PPP1R14C: variants seen among roughly 807,000 people sequenced by gnomAD.
The protein encoded by PPP1R14C is protein phosphatase 1 regulatory subunit 14C.
Under a neutral mutation model 20.4 loss-of-function variants are expected in PPP1R14C, and 16 were observed. That is an observed-to-expected ratio of 0.78 (90% CI 0.53 to 1.19). The LOEUF (loss-of-function observed/expected upper bound fraction) is 1.19. Among genes scored for constraint, PPP1R14C ranks in the 50% most tolerant of loss-of-function variants. PPP1R14C has a pLI of 0.00. For missense variants in PPP1R14C, 211 were observed against 220.1 expected, an observed-to-expected ratio of 0.96 and a Z score of 0.26; for synonymous variants, 91 against 91.0, an observed-to-expected ratio of 1.00 and a Z score of 0.00.
rs757915709 is a variant in PPP1R14C at position 150,201,093 on chromosome 6, G to T, written c.307-13651G>T. ...TGTCCAGGTTTGGAACTAAGGAAGC[G>T]ATCGGCCCTATTGGGCAGGATACTC... On this transcript the variant is annotated intron_variant, in intron 1 of 3. Transcript: ENST00000361131. The surrounding 1 kb of genome is among the most constrained non-coding windows in gnomAD (Gnocchi z 4.2). 6.6e-6 allele frequency among the ~76,000 whole-genome samples: 1 copy of T among 152,198 alleles called. No homozygotes were observed. The highest frequency in any genetic ancestry group is 1.5e-5 in the Non-Finnish European group (1 of 68,042).
Position 150,248,977 on chromosome 6 carries a change from T to C in PPP1R14C, c.*157T>C, listed in dbSNP as rs1778528946. 1 of 486,722 alleles carries C rather than the reference T, an allele frequency of 2.1e-6. No individual in the cohort carries two copies. Among genetic ancestry groups the C allele is most frequent in the South Asian group, 4.5e-5 (1 of 21,984 alleles). The allele number at this position is 486,722 out of a possible 1,614,324, so 30.2% of individuals were successfully genotyped here. ...TGAAGGTGGGGGGGTCTATTAGACA[T>C]TTATTCAAGAGCGTTCTTTTTTTGG... is the stretch of plus-strand genomic sequence containing the variant. On this transcript the variant is annotated 3_prime_UTR_variant, in exon 4 of 4. Coordinates refer to ENST00000361131, the MANE Select transcript of PPP1R14C (RefSeq NM_030949.3).
chr6:150,234,270 C>T lies in PPP1R14C; in HGVS notation c.424-14476C>T, dbSNP rs996538119. Among the ~76,000 whole-genome samples, 9 of 152,190 alleles carry T rather than the reference C, an allele frequency of 5.9e-5. No homozygotes were observed. In the South Asian group the frequency reaches 1.0e-3, roughly 18 times the overall value. On this transcript the variant is annotated intron_variant, in intron 3 of 3. Coordinates refer to ENST00000361131, the MANE Select transcript of PPP1R14C (RefSeq NM_030949.3). ...AAAGATGTGGAAGAACTGAAATTCT[C>T]GTACCCCACTGGTGGGAGTGTAAAA... is the stretch of plus-strand genomic sequence containing the variant.
intron 1 of PPP1R14C, among the ~76,000 whole-genome samples, chr6:150,149,524 C>G (rs1179847443): frequency 7.1e-6 from 1 of 140,252 alleles, no homozygotes; most frequent in Non-Finnish European, 1.5e-5. Flanking sequence ...TCTCGAATTC[C>G]TGGGCTTAAG....
chr6:150,222,432 T>C (rs1778179890), intron 3 of PPP1R14C, among the ~76,000 whole-genome samples: 1 of 152,168 alleles, frequency 6.6e-6, no homozygotes, highest in South Asian at 2.1e-4. Context: ...TTGTTAGAAC[T>C]GGTGAACCTA....
At chr6:150,169,391 TTAAAAA>T (rs1777473290) in intron 1 of PPP1R14C, among the ~76,000 whole-genome samples, 1 of 152,052 alleles carries the variant, frequency 6.6e-6, no homozygotes, top group Admixed American at 6.6e-5. Flanking sequence ...GGAAAAAAAA[TTAAAAA>T]TAGAAACAAT....
intron 3 of PPP1R14C, among the ~76,000 whole-genome samples, chr6:150,226,351 A>G (rs1439970478): frequency 6.6e-6 from 1 of 152,200 alleles, no homozygotes; most frequent in Non-Finnish European, 1.5e-5. Context: ...AGGCAAAAGT[A>G]ATTTTATTTT....
intron 1 of PPP1R14C, among the ~76,000 whole-genome samples, chr6:150,204,841 T>C (rs969674337): frequency 2.6e-5 from 4 of 152,076 alleles, no homozygotes; most frequent in Non-Finnish European, 4.4e-5. Flanking sequence ...GCCTGGGGCA[T>C]ACACGGGAAG....
chr6:150,168,359 A>G (rs985768607), intron 1 of PPP1R14C, among the ~76,000 whole-genome samples: 2 of 151,422 alleles, frequency 1.3e-5, no homozygotes, highest in African/African-American at 4.9e-5. Flanking sequence ...ACATGGTGAA[A>G]CCCCGTCTCT....
In PPP1R14C at chr6:150,249,578, T is replaced by A. The variant is rs9480066; in HGVS notation, c.*758T>A. The A allele has an allele frequency of 5.3e-3, 2,121 of 398,608 alleles. 37 individuals carry two copies. The highest frequency in any genetic ancestry group is 0.039 in the African/African-American group (1,923 of 48,742). The allele number at this position is 398,608 out of a possible 1,614,324, so 24.7% of individuals were successfully genotyped here. ...CTCATTTTGTAGTCTTTTAAAGTTG[T>A]ATGAACCCTTAATTTGAAGAACTAA... On this transcript the variant is annotated 3_prime_UTR_variant, in exon 4 of 4. Coordinates refer to ENST00000361131, the MANE Select transcript of PPP1R14C (RefSeq NM_030949.3).
chr6:150,211,151 GT>G (rs1778020376), intron 1 of PPP1R14C, among the ~76,000 whole-genome samples: 1 of 152,170 alleles, frequency 6.6e-6, no homozygotes. Flanking sequence ...AGCGCTTCAG[GT>G]TTGTCTGTGG....
chr6:150,219,221 TTTATTATTA>T (rs71898538), intron 3 of PPP1R14C, among the ~76,000 whole-genome samples: 1 of 151,110 alleles, frequency 6.6e-6, no homozygotes, highest in African/African-American at 2.4e-5. Flanking sequence ...AATCCTTGCC[TTTATTATTA>T]TTATTATTAT....
intron 1 of PPP1R14C, among the ~76,000 whole-genome samples, chr6:150,181,601 A>T (rs1158129544): frequency 3.3e-5 from 5 of 152,232 alleles, no homozygotes; most frequent in East Asian, 1.9e-4. Context: ...ATGTTTTTTT[A>T]AAAAAATTTT....
At chr6:150,233,776 C>A (rs1227348993) in intron 3 of PPP1R14C, among the ~76,000 whole-genome samples, 1 of 152,150 alleles carries the variant, frequency 6.6e-6, no homozygotes, top group East Asian at 1.9e-4. Flanking sequence ...AATTTGTATT[C>A]ATTTATTTTC....
intron 1 of PPP1R14C, among the ~76,000 whole-genome samples, chr6:150,167,571 C>T (rs1447245878): frequency 6.6e-6 from 1 of 152,124 alleles, no homozygotes; most frequent in Admixed American, 6.5e-5. Context: ...AAGCAACAAA[C>T]TAGGCTGCTA....
intron 1 of PPP1R14C, among the ~76,000 whole-genome samples, chr6:150,207,818 CA>C (rs1777972556): frequency 6.6e-6 from 1 of 152,154 alleles, no homozygotes; most frequent in Admixed American, 6.5e-5. Context: ...TCAATGTCAG[CA>C]GGCTTCCCAA....
At chr6:150,238,149 T>C (rs1778386824) in intron 3 of PPP1R14C, among the ~76,000 whole-genome samples, 1 of 152,320 alleles carries the variant, frequency 6.6e-6, no homozygotes, top group East Asian at 1.9e-4. Context: ...TCTTAGGTAG[T>C]ATTTTGAGAC....
At position 150,143,504 on chromosome 6, in the gene PPP1R14C, T is replaced by A; in HGVS notation, c.306+6T>A. 1.2e-6 allele frequency: 1 copy of A among 861,404 alleles called. No individual in the cohort carries two copies. Among genetic ancestry groups the A allele is most frequent in the Non-Finnish European group, 1.8e-6 (1 of 564,330 alleles). The allele number at this position is 861,404 out of a possible 1,614,324, so 53.4% of individuals were successfully genotyped here. ...GTCAGCTCTACGGCTGCGAGGTACC[T>A]GGGCGCGGGGCTGGGAGGGTCGGGG... On this transcript the variant is annotated splice_donor_region_variant and intron_variant, in intron 1 of 3. Transcript: ENST00000361131. This position sits in a 1 kb window ranked among gnomAD's most constrained non-coding sequence, Gnocchi z 5.6.
At chr6:150,160,400 G>A (rs1169923447) in intron 1 of PPP1R14C, among the ~76,000 whole-genome samples, 1 of 151,064 alleles carries the variant, frequency 6.6e-6, no homozygotes, top group African/African-American at 2.4e-5. Context: ...GAGTAGCTGG[G>A]ACTGCAGGTG....
At chr6:150,202,436 A>G (rs1777890053) in intron 1 of PPP1R14C, among the ~76,000 whole-genome samples, 1 of 152,002 alleles carries the variant, frequency 6.6e-6, no homozygotes, top group Non-Finnish European at 1.5e-5. Context: ...TGCTGTTCTT[A>G]GGTTTGTCCC....
Sources: gnomAD v4.1 joint callset for allele counts (sites outside exome capture counted in the v4.1 genomes callset) on GRCh38, gnomAD v4.1.1 for gene constraint, Gnocchi (gnomAD v3.1) non-coding constraint, MANE v1.5 for transcripts, NCBI Gene and HGNC (gene_info 2026-07-23, HGNC 2026-07-21) for gene names.